Variants in RBM33 observed in about 807,000 individuals in gnomAD.
The protein encoded by RBM33 is RNA-binding protein 33.
In RBM33, 28 loss-of-function variants were observed where a neutral mutation model predicts 132.6. That is an observed-to-expected ratio of 0.21 (90% confidence interval 0.16 to 0.29). RBM33 has a LOEUF of 0.29. RBM33 is among the 10% of genes least tolerant of loss of function. RBM33 has a pLI of 1.00. For missense variants in RBM33, 1,291 were observed against 1,518.5 expected (o/e 0.85, Z 2.49); for synonymous variants, 634 against 593.0 (o/e 1.07, Z -1.01).
chr7:155,656,567 T>C (rs549810883), intron 1 of RBM33, among the ~76,000 whole-genome samples: 4 of 152,256 alleles, frequency 2.6e-5, no homozygotes, highest in Non-Finnish European at 5.9e-5. Context: ...AAAAAACATA[T>C]CGAGTGAGAC....
intron 5 of RBM33, among the ~76,000 whole-genome samples, chr7:155,687,069 T>C (rs983578741): frequency 2.6e-5 from 4 of 152,350 alleles, no homozygotes; most frequent in Admixed American, 1.3e-4. Context: ...TCTTCCACAA[T>C]GGTTGAACTA....
At chr7:155,753,734 A>G (rs957503255) in intron 14 of RBM33, among the ~76,000 whole-genome samples, 1 of 152,182 alleles carries the variant, frequency 6.6e-6, no homozygotes, top group African/African-American at 2.4e-5. Flanking sequence ...GCCACGAGAG[A>G]TGCACATTCA....
At chr7:155,769,834 G>A (rs1024579656) in intron 16 of RBM33, among the ~76,000 whole-genome samples, 8 of 152,160 alleles carry the variant, frequency 5.3e-5, no homozygotes, top group African/African-American at 1.4e-4. Flanking sequence ...AAAAGCCCAC[G>A]TCACAGGCTT....
At chr7:155,743,658 G>C (rs975440707) in intron 13 of RBM33, among the ~76,000 whole-genome samples, 1 of 152,014 alleles carries the variant, frequency 6.6e-6, no homozygotes. Context: ...ACTTATTTTC[G>C]TATGTTCACC....
Position 155,738,746 on chromosome 7 carries a change from T to C in RBM33, c.1737+343T>C, listed in dbSNP as rs1394270363. The C allele has an allele frequency of 1.6e-5, 4 of 243,008 alleles. No individual in the cohort carries two copies. In the East Asian group the frequency reaches 4.1e-4, roughly 25 times the overall value. The allele number at this position is 243,008 out of a possible 1,614,324, so 15.1% of individuals were successfully genotyped here. A position where few individuals can be genotyped will look rare whatever the true frequency, so the allele number is the denominator to read the frequency against. On this transcript the variant is annotated intron_variant, in intron 11 of 17. Coordinates refer to ENST00000401878, the MANE Select transcript of RBM33 (RefSeq NM_053043.3). ...GAGGTTTACCAGTGGAAATACTTTGTCAAATTATATTCCTGCAGTAGACAG... is the reference window on the plus strand; with the variant it reads ...GAGGTTTACCAGTGGAAATACTTTGCCAAATTATATTCCTGCAGTAGACAG...
At chr7:155,718,137 A>G (rs1172090857) in intron 8 of RBM33, among the ~76,000 whole-genome samples, 1 of 152,172 alleles carries the variant, frequency 6.6e-6, no homozygotes, top group Non-Finnish European at 1.5e-5. Flanking sequence ...TTTTAATTCC[A>G]AATAATAGTC....
At chr7:155,738,871 G>GT (rs1257134250) in intron 11 of RBM33, 1 of 161,050 alleles carries the variant, frequency 6.2e-6, no homozygotes, top group Non-Finnish European at 1.4e-5. Context: ...TGCTTCATGG[G>GT]TTTTCACTGG....
At chr7:155,687,142 T>C (rs1338725379) in intron 5 of RBM33, among the ~76,000 whole-genome samples, 2 of 152,186 alleles carry the variant, frequency 1.3e-5, no homozygotes, top group African/African-American at 2.4e-5. Context: ...CCAGCACCTG[T>C]TGTTTCTTGA....
chr7:155,712,099 A>G (rs868409801), intron 8 of RBM33, among the ~76,000 whole-genome samples: 9 of 152,222 alleles, frequency 5.9e-5, no homozygotes, highest in African/African-American at 1.4e-4. Context: ...AGAGACCGCT[A>G]TTGGAATGCC....
At chr7:155,750,110 T>C (rs747224803) in intron 14 of RBM33, among the ~76,000 whole-genome samples, 1 of 152,228 alleles carries the variant, frequency 6.6e-6, no homozygotes, top group Non-Finnish European at 1.5e-5. Flanking sequence ...TGCTAAAATT[T>C]TATGTGCCTT....
At chr7:155,716,083 A>C (rs1343201308) in intron 8 of RBM33, among the ~76,000 whole-genome samples, 1 of 152,218 alleles carries the variant, frequency 6.6e-6, no homozygotes, top group Non-Finnish European at 1.5e-5. Flanking sequence ...ATTAAACTTC[A>C]AATATTCAAG....
Position 155,700,844 on chromosome 7 carries a change from A to T in RBM33, c.639A>T (p.Glu213Asp), listed in dbSNP as rs1439270519. ...CAGATGAAGAAGAAGAAGATGATGAAGAATCTGGACGATTACGTTTCAAAA... is the reference window on the plus strand; with the variant it reads ...CAGATGAAGAAGAAGAAGATGATGATGAATCTGGACGATTACGTTTCAAAA... ...EESDEEEEDD[E>D]ESGRLRFKTE... The change falls in exon 6 of 18, where the codon GAA becomes GAT. Residue 213 changes from glutamate (E) to aspartate (D), a missense_variant. Glu to Asp is a conservative substitution (Grantham distance 45). Coordinates refer to ENST00000401878, the MANE Select transcript of RBM33 (RefSeq NM_053043.3). The T allele has an allele frequency of 3.1e-6, 5 of 1,608,088 alleles. No individual in the cohort carries two copies. The highest frequency in any genetic ancestry group is 3.4e-6 in the Non-Finnish European group (4 of 1,176,932).
At chr7:155,759,406 G>A (rs530573441) in intron 14 of RBM33, among the ~76,000 whole-genome samples, 2 of 141,004 alleles carry the variant, frequency 1.4e-5, no homozygotes, top group African/African-American at 2.7e-5. Context: ...TTGACTCAAT[G>A]TTTATGTTCT....
intron 7 of RBM33, 53 bp from the exon 8 acceptor site, chr7:155,711,150 G>GTT (rs200646328): frequency 5.5e-4 from 666 of 1,200,162 alleles, no homozygotes; most frequent in South Asian, 2.0e-3. Flanking sequence ...GTGAACTTTT[G>GTT]TTTTTTTTTT....
intron 1 of RBM33, among the ~76,000 whole-genome samples, chr7:155,647,862 T>TAA (rs1283627428): frequency 1.0e-3 from 159 of 152,302 alleles, no homozygotes; most frequent in African/African-American, 3.7e-3. Context: ...GGCAAAAACA[T>TAA]GGCATTTTGG....
intron 5 of RBM33, chr7:155,684,944 C>G: frequency 6.5e-7 from 1 of 1,550,362 alleles, no homozygotes; most frequent in Non-Finnish European, 8.7e-7. Flanking sequence ...ATGAAGAATA[C>G]TTGCAGGCTT....
chr7:155,668,821 C>T (rs1182656660), intron 2 of RBM33, among the ~76,000 whole-genome samples: 1 of 152,040 alleles, frequency 6.6e-6, no homozygotes, highest in Non-Finnish European at 1.5e-5. Context: ...AATCCATTGT[C>T]GTTTCGTATC....
intron 16 of RBM33, among the ~76,000 whole-genome samples, chr7:155,771,497 T>C (rs1324174985): frequency 5.9e-5 from 9 of 152,196 alleles, no homozygotes; most frequent in Non-Finnish European, 1.0e-4. Context: ...ATTCCTCTGA[T>C]TGAAGAATCT....
chr7:155,774,021 G>T lies in RBM33; in HGVS notation c.3376-538G>T, dbSNP rs767535260. ...CACAAACTCTTAAAGTACAAAATGT[G>T]ACCACGTTATGCTGATGTCTGCCCC... On this transcript the variant is annotated intron_variant, in intron 16 of 17. Coordinates refer to ENST00000401878, the MANE Select transcript of RBM33 (RefSeq NM_053043.3). The surrounding 1 kb of genome is among the most constrained non-coding windows in gnomAD (Gnocchi z 4.2). 6.6e-6 allele frequency among the ~76,000 whole-genome samples: 1 copy of T among 152,170 alleles called. No homozygotes were observed. The highest frequency in any genetic ancestry group is 1.5e-5 in the Non-Finnish European group (1 of 68,044).
Sources: allele counts gnomAD v4.1 joint callset (sites outside exome capture counted in the v4.1 genomes callset), GRCh38; gene constraint gnomAD v4.1.1; non-coding constraint Gnocchi (gnomAD v3.1); transcripts MANE v1.5; gene names NCBI Gene and HGNC (gene_info 2026-07-23, HGNC 2026-07-21).